CTNND2: variants seen among roughly 807,000 people sequenced by gnomAD.
CTNND2 encodes the protein catenin delta-2.
CTNND2 carries 22 observed loss-of-function variants against 144.4 expected under a neutral mutation model. The observed-to-expected ratio is 0.15, with a 90% CI of 0.11 to 0.22. The LOEUF (loss-of-function observed/expected upper bound fraction) is 0.22. Ranked by LOEUF, CTNND2 falls within the 10% of genes least tolerant of loss-of-function variation. The probability of loss-of-function intolerance (pLI) is 1.00; values close to 1 mark genes in which losing one functional copy is unlikely to be tolerated. For missense variants in CTNND2, 1,353 were observed against 1,618.8 expected (o/e 0.84, Z 2.82); for synonymous variants, 751 against 695.6 (o/e 1.08, Z -1.25).
At chr5:11,276,436 A>G (rs1276617054) in intron 9 of CTNND2, among the ~76,000 whole-genome samples, 1 of 152,030 alleles carries the variant, frequency 6.6e-6, no homozygotes, top group Non-Finnish European at 1.5e-5. Flanking sequence ...CCCCTTCTTG[A>G]TCTCTTTCCA....
chr5:11,400,347 C>T (rs1760530594), intron 5 of CTNND2, among the ~76,000 whole-genome samples: 1 of 152,198 alleles, frequency 6.6e-6, no homozygotes, highest in South Asian at 2.1e-4. Context: ...CTGTGAGCAA[C>T]AGCGGATCAT....
chr5:11,240,386 T>TCAAACACACACCCAA lies in CTNND2; in HGVS notation c.1629-3564_1629-3563insTTGGGTGTGTGTTTG, dbSNP rs147304815. On this transcript the variant is annotated intron_variant, in intron 9 of 21. Coordinates refer to ENST00000304623, the MANE Select transcript of CTNND2 (RefSeq NM_001332.4). ...ACACACACCCAACACACACATACAC[T>TCAAACACACACCCAA]CACACACCCAACACACACACCCACA... Among the ~76,000 whole-genome samples the TCAAACACACACCCAA allele has an allele frequency of 6.4e-4, 60 of 93,838 alleles. 7 individuals carry two copies. The highest frequency in any genetic ancestry group is 4.5e-4 in the Admixed American group (4 of 8,928). 61.6% of individuals were successfully genotyped at this position (93,838 alleles called of 152,430 possible). A position where few individuals can be genotyped will look rare whatever the true frequency, so the allele number is the denominator to read the frequency against.
At chr5:11,170,111 TGTCA>T (rs763535131) in intron 11 of CTNND2, among the ~76,000 whole-genome samples, 17 of 152,216 alleles carry the variant, frequency 1.1e-4, no homozygotes, top group Non-Finnish European at 1.8e-4. Flanking sequence ...TTGAGTTACC[TGTCA>T]AAGTCATTCA....
chr5:11,383,037 A>G (rs1758678179), intron 7 of CTNND2, among the ~76,000 whole-genome samples: 2 of 152,142 alleles, frequency 1.3e-5, no homozygotes, highest in South Asian at 4.1e-4. Context: ...ACCCTCCCCT[A>G]ACCTCTCCAC....
intron 16 of CTNND2, among the ~76,000 whole-genome samples, chr5:11,051,509 A>G (rs763988006): frequency 4.6e-5 from 7 of 152,232 alleles, no homozygotes; most frequent in Non-Finnish European, 8.8e-5. Context: ...TTGTATCTAC[A>G]TCTCTTAGGA....
At chr5:10,996,557 A>G (rs1015585921) in intron 18 of CTNND2, among the ~76,000 whole-genome samples, 1 of 152,108 alleles carries the variant, frequency 6.6e-6, no homozygotes, top group Non-Finnish European at 1.5e-5. Flanking sequence ...GGAGATGAGC[A>G]GAAGAGGTTT....
chr5:11,271,842 T>TA (rs946834267), intron 9 of CTNND2, among the ~76,000 whole-genome samples: 1 of 152,100 alleles, frequency 6.6e-6, no homozygotes, highest in Non-Finnish European at 1.5e-5. Context: ...CATTCTAAGA[T>TA]ATGCTTCATC....
At chr5:11,729,608 G>A (rs779422095) in intron 2 of CTNND2, among the ~76,000 whole-genome samples, 14 of 152,082 alleles carry the variant, frequency 9.2e-5, no homozygotes, top group South Asian at 4.1e-4. Flanking sequence ...CAAGCCATCC[G>A]TATTTTTGGC....
intron 11 of CTNND2, among the ~76,000 whole-genome samples, chr5:11,190,795 T>C (rs1449535512): frequency 6.6e-6 from 1 of 152,180 alleles, no homozygotes; most frequent in Non-Finnish European, 1.5e-5. Context: ...TATCTGTCCT[T>C]TTACTGAAAA....
intron 2 of CTNND2, among the ~76,000 whole-genome samples, chr5:11,592,086 G>A (rs890956247): frequency 6.6e-6 from 1 of 150,886 alleles, no homozygotes; most frequent in Non-Finnish European, 1.5e-5. Context: ...TTTCAGTTGA[G>A]GATTCTGGCT....
intron 16 of CTNND2, among the ~76,000 whole-genome samples, chr5:11,054,265 C>T (rs1746132948): frequency 6.6e-6 from 1 of 152,182 alleles, no homozygotes; most frequent in Non-Finnish European, 1.5e-5. Flanking sequence ...TTCTCTGTGT[C>T]TTCAATGGCT....
intron 3 of CTNND2, among the ~76,000 whole-genome samples, chr5:11,509,344 T>C (rs555031612): frequency 6.6e-6 from 1 of 151,178 alleles, no homozygotes; most frequent in Middle Eastern, 3.4e-3. Context: ...AAATTATACA[T>C]GTTGTGGAAC....
intron 16 of CTNND2, among the ~76,000 whole-genome samples, chr5:11,045,858 C>T (rs538127626): frequency 1.3e-5 from 2 of 152,286 alleles, no homozygotes; most frequent in African/African-American, 4.8e-5. Context: ...TCCCATCCCT[C>T]CTTTATCTTA....
At chr5:11,275,764 C>A (rs921174031) in intron 9 of CTNND2, among the ~76,000 whole-genome samples, 7 of 152,210 alleles carry the variant, frequency 4.6e-5, no homozygotes, top group Non-Finnish European at 8.8e-5. Context: ...TTTGACATGA[C>A]TTCAAATTAA....
intron 10 of CTNND2, among the ~76,000 whole-genome samples, chr5:11,209,254 A>G (rs1247563544): frequency 6.6e-6 from 1 of 152,240 alleles, no homozygotes; most frequent in Non-Finnish European, 1.5e-5. Flanking sequence ...GACTATTTCA[A>G]TAAGGAGGAA....
intron 3 of CTNND2, among the ~76,000 whole-genome samples, chr5:11,455,734 A>G (rs1011783652): frequency 6.6e-6 from 1 of 152,230 alleles, no homozygotes. Context: ...AGTGGATGAA[A>G]AAAGATGACA....
intron 20 of CTNND2, among the ~76,000 whole-genome samples, chr5:10,982,319 C>T (rs1054086475): frequency 3.9e-5 from 6 of 152,196 alleles, no homozygotes; most frequent in South Asian, 2.1e-4. Flanking sequence ...ACCCAAAGGA[C>T]GGGCAGGGGG....
intron 18 of CTNND2, among the ~76,000 whole-genome samples, chr5:11,012,533 C>CT (rs1262911153): frequency 3.3e-5 from 5 of 152,170 alleles, no homozygotes; most frequent in African/African-American, 4.8e-5. Context: ...CCAAGCAACC[C>CT]TAGCGCATCT....
At position 11,600,066 on chromosome 5, in the gene CTNND2, CTA is replaced by C. The variant is rs537853583; in HGVS notation, c.175-35012_175-35011del. 5.0e-3 allele frequency among the ~76,000 whole-genome samples: 766 copies of C among 152,270 alleles called. 3 individuals carry two copies. The highest frequency in any genetic ancestry group is 0.017 in the African/African-American group (718 of 41,564). On this transcript the variant is annotated intron_variant, in intron 2 of 21. Coordinates refer to ENST00000304623, the MANE Select transcript of CTNND2 (RefSeq NM_001332.4). The stretch of plus-strand genomic sequence containing the variant: ...AAATATGGATCTGAATTTAAATTGT[CTA>C]TGATTAAAATATGTGACTTAAATTT...
Sources: gnomAD v4.1 joint callset for allele counts (sites outside exome capture counted in the v4.1 genomes callset) on GRCh38, gnomAD v4.1.1 for gene constraint, MANE v1.5 for transcripts, NCBI Gene and HGNC (gene_info 2026-07-23, HGNC 2026-07-21) for gene names.